Variants in PDSS1 observed in about 807,000 individuals in gnomAD.
The protein encoded by PDSS1 is decaprenyl diphosphate synthase subunit 1, also known as all trans-polyprenyl-diphosphate synthase PDSS1.
Under a neutral mutation model 57.5 loss-of-function variants are expected in PDSS1, and 43 were observed. The ratio of observed to expected loss-of-function variants is 0.75; its 90% CI spans 0.59 to 0.96. The LOEUF (loss-of-function observed/expected upper bound fraction) is 0.96. Ranked by LOEUF, PDSS1 falls within the 50% of genes least tolerant of loss-of-function variation. The pLI is 0.00. For synonymous variants in PDSS1, 175 were observed against 191.3 expected (o/e 0.91, Z 0.70); for missense variants, 438 against 527.8 (o/e 0.83, Z 1.67).
chr10:26,731,088 T>TCCCAGCACTTTGGGAGG (rs1245048426), intron 8 of PDSS1, among the ~76,000 whole-genome samples: 2 of 152,140 alleles, frequency 1.3e-5, no homozygotes, highest in African/African-American at 4.8e-5. Context: ...ACACCTGTAA[T>TCCCAGCACTTTGGGAGG]CCCAGCACTT....
At chr10:26,713,884 C>T (rs1326960642) in intron 5 of PDSS1, among the ~76,000 whole-genome samples, 2 of 152,066 alleles carry the variant, frequency 1.3e-5, no homozygotes, top group East Asian at 1.9e-4. Flanking sequence ...AGAGTCCTCT[C>T]ACCTTAGGCT....
intron 8 of PDSS1, among the ~76,000 whole-genome samples, chr10:26,729,828 C>G (rs934287315): frequency 6.6e-6 from 1 of 151,128 alleles, no homozygotes; most frequent in Non-Finnish European, 1.5e-5. Flanking sequence ...TCCTACTGCT[C>G]AAGGTCATTA....
intron 10 of PDSS1, among the ~76,000 whole-genome samples, chr10:26,737,133 C>G (rs185057525): frequency 1.5e-3 from 235 of 152,192 alleles, no homozygotes; most frequent in African/African-American, 4.8e-3. Context: ...AGGAAAAAGC[C>G]TTTTTCCCTG....
chr10:26,718,141 C>G (rs1302042530), intron 5 of PDSS1: 1 of 152,074 alleles, frequency 6.6e-6, no homozygotes. Context: ...CTTCCCGGCT[C>G]AAGTGATTCT....
At chr10:26,701,811 G>A (rs1202139023) in intron 1 of PDSS1, 3 of 454,042 alleles carry the variant, frequency 6.6e-6, no homozygotes, top group Non-Finnish European at 1.3e-5. Flanking sequence ...CTAGACCCCA[G>A]AATGGTAGGT....
At chr10:26,729,213 GGA>G (rs1836079897) in intron 8 of PDSS1, among the ~76,000 whole-genome samples, 1 of 152,114 alleles carries the variant, frequency 6.6e-6, no homozygotes, top group Non-Finnish European at 1.5e-5. Flanking sequence ...ATTTCTGGCA[GGA>G]GATATTCAGC....
chr10:26,733,974 T>A (rs531538463), intron 8 of PDSS1, among the ~76,000 whole-genome samples: 8 of 152,144 alleles, frequency 5.3e-5, no homozygotes, highest in Admixed American at 1.3e-4. Context: ...ACCCTATTTC[T>A]AAAAAGAGAT....
chr10:26,720,929 A>G (rs1489851508), intron 6 of PDSS1, among the ~76,000 whole-genome samples: 1 of 152,164 alleles, frequency 6.6e-6, no homozygotes, highest in Non-Finnish European at 1.5e-5. Flanking sequence ...TCCTGGGTTG[A>G]AGGATGAGAA....
intron 8 of PDSS1, among the ~76,000 whole-genome samples, chr10:26,732,639 A>G (rs952290684): frequency 3.3e-5 from 5 of 152,234 alleles, no homozygotes; most frequent in Non-Finnish European, 5.9e-5. Flanking sequence ...CTCGAACTTC[A>G]TAAGTGACTT....
At chr10:26,698,700 C>T (rs1834954532) in intron 1 of PDSS1, among the ~76,000 whole-genome samples, 2 of 152,244 alleles carry the variant, frequency 1.3e-5, no homozygotes, top group South Asian at 4.1e-4. Context: ...GAATTTAGTA[C>T]TCTTTTAATT....
At chr10:26,698,249 G>A (rs1834935766) in intron 1 of PDSS1, among the ~76,000 whole-genome samples, 1 of 152,182 alleles carries the variant, frequency 6.6e-6, no homozygotes, top group Admixed American at 6.5e-5. Context: ...AAATTTTAGA[G>A]CCAAAGTGCT....
chr10:26,706,208 G>A (rs1168827609), intron 4 of PDSS1, among the ~76,000 whole-genome samples: 1 of 152,220 alleles, frequency 6.6e-6, no homozygotes, highest in Non-Finnish European at 1.5e-5. Context: ...GTTTGAGGCT[G>A]CAGTGAGCCA....
intron 4 of PDSS1, among the ~76,000 whole-genome samples, chr10:26,706,486 G>A (rs1290790443): frequency 6.6e-6 from 1 of 152,122 alleles, no homozygotes; most frequent in Non-Finnish European, 1.5e-5. Context: ...CTCTCTAGGG[G>A]CAGTCCCTTA....
At chr10:26,729,916 T>A (rs1396440979) in intron 8 of PDSS1, among the ~76,000 whole-genome samples, 26,030 of 140,336 alleles carry the variant, frequency 0.19, 2,672 homozygotes, top group Admixed American at 0.22. Context: ...TTTTTTTTTT[T>A]TTTTTTTTTT....
chr10:26,734,515 G>A (rs1236264152), intron 8 of PDSS1: 2 of 362,482 alleles, frequency 5.5e-6, no homozygotes, highest in Non-Finnish European at 1.1e-5. Flanking sequence ...GCTTTTTGGA[G>A]TTTTAAAAAG....
intron 1 of PDSS1, among the ~76,000 whole-genome samples, chr10:26,699,043 C>T (rs145989301): frequency 1.1e-4 from 17 of 152,240 alleles, no homozygotes; most frequent in Admixed American, 9.8e-4. Flanking sequence ...GAGGATTGTT[C>T]GATCCCAGGA....
At chr10:26,743,251 C>T (rs1836691259) in intron 11 of PDSS1, among the ~76,000 whole-genome samples, 1 of 152,210 alleles carries the variant, frequency 6.6e-6, no homozygotes, top group South Asian at 2.1e-4. Context: ...TGGTGACTGA[C>T]TCCTGTGAGA....
chr10:26,719,395 GA>G (rs1835706437), intron 5 of PDSS1, among the ~76,000 whole-genome samples: 1 of 152,218 alleles, frequency 6.6e-6, no homozygotes, highest in African/African-American at 2.4e-5. Flanking sequence ...TTTCTAATGA[GA>G]AGGTTAAATG....
At chr10:26,738,489 T>TAG (rs751329590) in intron 10 of PDSS1, among the ~76,000 whole-genome samples, 1 of 152,238 alleles carries the variant, frequency 6.6e-6, no homozygotes, top group Non-Finnish European at 1.5e-5. Context: ...ACAGAGCAGG[T>TAG]AACTAACCCA....
Sources: gnomAD v4.1 joint callset for allele counts (sites outside exome capture counted in the v4.1 genomes callset) on GRCh38, gnomAD v4.1.1 for gene constraint, MANE v1.5 for transcripts, NCBI Gene and HGNC (gene_info 2026-07-23, HGNC 2026-07-21) for gene names.